GRIK5: variants seen among roughly 807,000 people sequenced by gnomAD.
GRIK5 encodes the protein glutamate ionotropic receptor kainate type subunit 5.
A neutral mutation model predicts 97.4 loss-of-function variants in GRIK5; 43 were observed. The observed-to-expected ratio is 0.44, with a 90% CI of 0.35 to 0.57. The LOEUF is 0.57. GRIK5 is among the 20% of genes least tolerant of loss of function. The pLI, the probability that GRIK5 is intolerant of heterozygous loss-of-function variation, is 0.01. For missense variants in GRIK5, 1,015 were observed against 1,382.0 expected (o/e 0.73, Z 4.21); for synonymous variants, 580 against 583.5 (o/e 0.99, Z 0.09).
Position 42,002,676 on chromosome 19 carries a change from A to G in GRIK5, c.2514+656T>C. On this transcript the variant is annotated intron_variant, in intron 19 of 19. Transcript: ENST00000593562. The surrounding 1 kb of genome is among the most constrained non-coding windows in gnomAD (Gnocchi z 5.2). ...AGAGCACGAATGGGTCTGGAAATGC[A>G]GGGGTGTGGCTGGGCGGCCCCCAGG... is the stretch of plus-strand genomic sequence containing the variant. 2 of 611,150 alleles carry G rather than the reference A, an allele frequency of 3.3e-6. No homozygotes were observed. Among genetic ancestry groups the G allele is most frequent in the Non-Finnish European group, 2.9e-6 (1 of 342,776 alleles). The allele number at this position is 611,150 out of a possible 1,614,324, so 37.9% of individuals were successfully genotyped here. A position where few individuals can be genotyped will look rare whatever the true frequency, so the allele number is the denominator to read the frequency against.
intron 5 of GRIK5, among the ~76,000 whole-genome samples, chr19:42,060,348 A>G (rs1247126861): frequency 2.0e-5 from 3 of 152,116 alleles, no homozygotes; most frequent in Non-Finnish European, 4.4e-5. Flanking sequence ...GGATGAGGAG[A>G]TGAGTTGGGC....
intron 15 of GRIK5, among the ~76,000 whole-genome samples, chr19:42,014,400 T>G (rs1233878588): frequency 6.7e-6 from 1 of 149,466 alleles, no homozygotes; most frequent in Non-Finnish European, 1.5e-5. Flanking sequence ...AAACTCCATC[T>G]CAAAAAAAAA....
chr19:42,020,160 G>T (rs1005673870), intron 15 of GRIK5, among the ~76,000 whole-genome samples: 1 of 152,014 alleles, frequency 6.6e-6, no homozygotes, highest in Non-Finnish European at 1.5e-5. Flanking sequence ...ATCAAGACTC[G>T]CAAGTGTCCA....
At position 42,059,501 on chromosome 19, in the gene GRIK5, G is replaced by T; in HGVS notation, c.535C>A (p.Arg179Ser). 6.2e-7 allele frequency: 1 copy of T among 1,613,206 alleles called. No individual in the cohort carries two copies. The highest frequency in any genetic ancestry group is 8.5e-7 in the Non-Finnish European group (1 of 1,179,854). ...GTCTCCTTGGAGATGAGGAAGCCAC[G>T]CACCAGTTCCTCCAATCGCAGCAGG... ...ECLLRLEELV[R>S]GFLISKETLS... The change falls in exon 6 of 20, where the codon CGT becomes AGT. Residue 179 changes from arginine to serine, a missense_variant. Coordinates refer to ENST00000593562, the MANE Select transcript of GRIK5 (RefSeq NM_002088.5).
chr19:42,004,219 A>G (rs2075459437), intron 17 of GRIK5, among the ~76,000 whole-genome samples: 1 of 152,136 alleles, frequency 6.6e-6, no homozygotes, highest in African/African-American at 2.4e-5. Flanking sequence ...ACACTGTATT[A>G]TATGGCTATG....
intron 11 of GRIK5, among the ~76,000 whole-genome samples, chr19:42,044,014 G>C (rs2076012375): frequency 6.6e-6 from 1 of 152,208 alleles, no homozygotes. Flanking sequence ...TGTCAAGGGA[G>C]AGACCAGGTG....
chr19:42,001,386 A>G (rs550813744), intron 19 of GRIK5, among the ~76,000 whole-genome samples: 8 of 152,156 alleles, frequency 5.3e-5, no homozygotes, highest in African/African-American at 1.4e-4. Context: ...CCACCACCAT[A>G]TCTGGCTAAT....
Position 42,053,833 on chromosome 19 carries a change from G to T in GRIK5, c.1153C>A (p.His385Asn). Residue 385 changes from histidine (H) to asparagine (N), a missense_variant, in exon 10 of 20, where the codon CAC becomes AAC. By Grantham distance (68) the His-to-Asn change is moderately conservative. Transcript: ENST00000593562. ...LRILEKSRQG[H>N]REIGVWYSNR... Reference sequence around the variant, plus strand: ...ACCCTGGGTCTGCTCACCTCACGGTGGCCCTGCCGGGACTTTTCTAGGATG... The same window carrying T: ...ACCCTGGGTCTGCTCACCTCACGGTTGCCCTGCCGGGACTTTTCTAGGATG... 1 of 1,611,596 alleles carries T rather than the reference G, an allele frequency of 6.2e-7. No homozygotes were observed. Among genetic ancestry groups the T allele is most frequent in the Non-Finnish European group, 8.5e-7 (1 of 1,177,656 alleles).
chr19:42,034,373 C>G (rs1476803540), intron 12 of GRIK5, among the ~76,000 whole-genome samples: 1 of 152,038 alleles, frequency 6.6e-6, no homozygotes, highest in Non-Finnish European at 1.5e-5. Context: ...GACCCTGTTT[C>G]AAAAACTAAA....
intron 12 of GRIK5, among the ~76,000 whole-genome samples, chr19:42,031,633 G>C (rs2075842138): frequency 6.6e-6 from 1 of 152,152 alleles, no homozygotes; most frequent in African/African-American, 2.4e-5. Flanking sequence ...AAAATGACAG[G>C]GAGTTGTCTA....
chr19:42,006,509 T>G lies in GRIK5; in HGVS notation c.2037+136A>C. On this transcript the variant is annotated intron_variant, in intron 16 of 19. Coordinates refer to ENST00000593562, the MANE Select transcript of GRIK5 (RefSeq NM_002088.5). The surrounding 1 kb of genome is among the most constrained non-coding windows in gnomAD (Gnocchi z 5.3). ...CGAGCCCCATGACAGCACATGTGTG[T>G]TTTCTGCTCCCCAGCCTCCAGGCTG... 1.3e-6 allele frequency: 1 copy of G among 751,910 alleles called. No homozygotes were observed. Among genetic ancestry groups the G allele is most frequent in the Non-Finnish European group, 2.2e-6 (1 of 454,862 alleles). The allele number at this position is 751,910 out of a possible 1,614,324, so 46.6% of individuals were successfully genotyped here.
chr19:42,004,856 C>A (rs2075466685), intron 17 of GRIK5, among the ~76,000 whole-genome samples: 1 of 152,142 alleles, frequency 6.6e-6, no homozygotes, highest in African/African-American at 2.4e-5. Context: ...TTCAAGTGAT[C>A]CTTCCGGCTT....
In GRIK5 at chr19:42,021,915, GC is replaced by G; in HGVS notation, c.1697+31del. On this transcript the variant is annotated intron_variant, in intron 14 of 19. Coordinates refer to ENST00000593562, the MANE Select transcript of GRIK5 (RefSeq NM_002088.5). The surrounding 1 kb of genome is among the most constrained non-coding windows in gnomAD (Gnocchi z 4.2). ...GAGGCCTCGGCTCGTGCCTCCTCCA[GC>G]CCCTTCCTTCCCAGTAGGCAGTGGA... 1.4e-6 allele frequency: 2 copies of G among 1,469,920 alleles called. No individual in the cohort carries two copies. The highest frequency in any genetic ancestry group is 1.9e-6 in the Non-Finnish European group (2 of 1,057,926). 91.1% of individuals were successfully genotyped at this position (1,469,920 alleles called of 1,614,324 possible).
In GRIK5 at chr19:42,006,924, T is replaced by C. The variant is rs2075499128; in HGVS notation, c.1872-114A>G. The C allele has an allele frequency of 5.7e-6, 4 of 705,944 alleles. No individual in the cohort carries two copies. The Admixed American group carries it at 1.2e-4, about 21-fold the overall frequency. The allele number at this position is 705,944 out of a possible 1,614,324, so 43.7% of individuals were successfully genotyped here. A position where few individuals can be genotyped will look rare whatever the true frequency, so the allele number is the denominator to read the frequency against. On this transcript the variant is annotated intron_variant, in intron 15 of 19. Coordinates refer to ENST00000593562, the MANE Select transcript of GRIK5 (RefSeq NM_002088.5). The surrounding 1 kb of genome is among the most constrained non-coding windows in gnomAD (Gnocchi z 5.3). The stretch of plus-strand genomic sequence containing the variant: ...CAAGTGACCCCAGCATCTGGAAGAC[T>C]CAGTGACTGCTGGGTGCAGAAGCGG...
At position 42,068,956 on chromosome 19, in the gene GRIK5, C is replaced by A. The variant is rs968578870; in HGVS notation, c.-51+285G>T. The A allele has an allele frequency of 2.0e-5, 12 of 611,130 alleles. No homozygotes were observed. The East Asian group carries it at 3.3e-4, about 17-fold the overall frequency. 37.9% of individuals were successfully genotyped at this position (611,130 alleles called of 1,614,324 possible). On this transcript the variant is annotated intron_variant, in intron 1 of 19. Transcript: ENST00000593562. ...AGCAGGGGCACGGACATGCCAGGGG[C>A]CCGGGGTAAGTGAGAGCCCAAGTAA...
chr19:42,005,551 G>T lies in GRIK5; in HGVS notation c.2263+172C>A, dbSNP rs554355730. Among the ~76,000 whole-genome samples, 14 of 152,322 alleles carry T rather than the reference G, an allele frequency of 9.2e-5. No homozygotes were observed. In the East Asian group the frequency reaches 1.2e-3, roughly 13 times the overall value. The stretch of plus-strand genomic sequence containing the variant: ...CTGCTAGGCCTGGTTTTGCAGGTTG[G>T]GGGTACAGAGGCTCAGGACGGTGAT... On this transcript the variant is annotated intron_variant, in intron 17 of 19. Transcript: ENST00000593562.
In GRIK5 at chr19:42,005,771, T is replaced by C. The variant is rs1296729111; in HGVS notation, c.2215A>G (p.Ile739Val). ...CCCTTGGTGTCGAGGAGTCCCCCGA[T>C]CTGGGTGAGGTTGCAGTTGAGGCGC... Reference protein sequence around the residue: ...HRRLNCNLTQIGGLLDTKGYG... With the variant: ...HRRLNCNLTQVGGLLDTKGYG... The change falls in exon 17 of 20, where the codon ATC (isoleucine) becomes GTC (valine). Residue 739 changes from isoleucine (I) to valine (V), a missense_variant. Ile to Val is a conservative substitution (Grantham distance 29, BLOSUM62 3). Coordinates refer to ENST00000593562, the MANE Select transcript of GRIK5 (RefSeq NM_002088.5). The C allele has an allele frequency of 1.9e-6, 3 of 1,613,974 alleles. No individual in the cohort carries two copies. Among genetic ancestry groups the C allele is most frequent in the Admixed American group, 1.7e-5 (1 of 60,006 alleles).
In GRIK5 at chr19:42,006,484, C is replaced by T. The variant is rs2075492805; in HGVS notation, c.2037+161G>A. ...CCCCAGTTCCCTAGCCAGCCAGCTG[C>T]GAGCCCCATGACAGCACATGTGTGT... On this transcript the variant is annotated intron_variant, in intron 16 of 19. Transcript: ENST00000593562. The surrounding 1 kb of genome is among the most constrained non-coding windows in gnomAD (Gnocchi z 5.3). Among the ~76,000 whole-genome samples the T allele has an allele frequency of 1.3e-5, 2 of 152,150 alleles. No homozygotes were observed. The highest frequency in any genetic ancestry group is 2.1e-4 in the South Asian group (1 of 4,830).
intron 12 of GRIK5, among the ~76,000 whole-genome samples, chr19:42,034,982 T>G (rs1249247603): frequency 6.6e-6 from 1 of 152,176 alleles, no homozygotes; most frequent in Admixed American, 6.5e-5. Flanking sequence ...TGACTAAATG[T>G]AGCTGGTTTG....
Sources: allele counts gnomAD v4.1 joint callset (sites outside exome capture counted in the v4.1 genomes callset), GRCh38; gene constraint gnomAD v4.1.1; non-coding constraint Gnocchi (gnomAD v3.1); transcripts MANE v1.5; gene names NCBI Gene and HGNC (gene_info 2026-07-23, HGNC 2026-07-21).